STPG2: variants seen among roughly 807,000 people sequenced by gnomAD.
STPG2 encodes sperm-tail PG-rich repeat-containing protein 2.
STPG2 carries 56 observed loss-of-function variants against 54.2 expected under a neutral mutation model. The observed-to-expected ratio is 1.03, with a 90% CI of 0.83 to 1.29. The LOEUF (loss-of-function observed/expected upper bound fraction) is 1.29, where lower values mean the gene tolerates loss of function less well. STPG2 is among the 50% of genes most tolerant of loss of function. STPG2 has a pLI of 0.00. For missense variants in STPG2, 596 were observed against 544.9 expected (o/e 1.09, Z -0.93); for synonymous variants, 200 against 181.8 (o/e 1.10, Z -0.81).
rs115208229 is a variant in STPG2, at chr4:97,455,857, C to G, written c.462+256842G>C. Among the ~76,000 whole-genome samples the G allele has an allele frequency of 1.8e-3, 279 of 152,278 alleles. 1 individual carries two copies. The highest frequency in any genetic ancestry group is 6.4e-3 in the African/African-American group (266 of 41,546). On this transcript the variant is annotated intron_variant, in intron 4 of 4. Transcript: ENST00000522676. ...GCATTCACCCCTAGACACTGCCATG[C>G]AGTTGGAGCCCCACAACCTGCCCAT...
At chr4:97,932,890 G>A (rs1431859957) in intron 8 of STPG2, among the ~76,000 whole-genome samples, 1 of 152,098 alleles carries the variant, frequency 6.6e-6, no homozygotes, top group Non-Finnish European at 1.5e-5. Context: ...CCCAGTAATG[G>A]GATTGCTGGA....
At chr4:97,606,471 A>G (rs1733596055) in intron 10 of STPG2, among the ~76,000 whole-genome samples, 1 of 151,926 alleles carries the variant, frequency 6.6e-6, no homozygotes, top group South Asian at 2.1e-4. Context: ...ATTGGAAAAA[A>G]CAAATATATA....
chr4:97,658,066 G>A (rs908299707), intron 10 of STPG2, among the ~76,000 whole-genome samples: 2 of 152,158 alleles, frequency 1.3e-5, no homozygotes, highest in Admixed American at 1.3e-4. Flanking sequence ...ATTCTATGAT[G>A]ATGGATTTTT....
intron 5 of STPG2, among the ~76,000 whole-genome samples, chr4:98,084,300 C>T (rs1738442270): frequency 6.6e-6 from 1 of 152,090 alleles, no homozygotes; most frequent in Non-Finnish European, 1.5e-5. Flanking sequence ...CTTTATAGTG[C>T]TAAATAGTAT....
intron 10 of STPG2, among the ~76,000 whole-genome samples, chr4:97,610,203 TCAAAGGGAGTG>T (rs1426169667): frequency 6.6e-6 from 1 of 152,086 alleles, no homozygotes; most frequent in Non-Finnish European, 1.5e-5. Context: ...CTGTCTGATT[TCAAAGGGAGTG>T]TCTGATAATT....
At chr4:98,072,570 T>TTAA (rs1553939178) in intron 5 of STPG2, among the ~76,000 whole-genome samples, 40,946 of 143,300 alleles carry the variant, frequency 0.29, 6,115 homozygotes, top group Middle Eastern at 0.34. Context: ...GAAGGGAAAA[T>TTAA]AATAAAATAA....
intron 4 of STPG2, among the ~76,000 whole-genome samples, chr4:97,517,427 C>T (rs1395245231): frequency 1.3e-5 from 2 of 152,070 alleles, no homozygotes; most frequent in African/African-American, 4.8e-5. Flanking sequence ...GGAAATGGCT[C>T]CTGATCTAAC....
chr4:97,513,924 T>TAA (rs1250375064), intron 4 of STPG2, among the ~76,000 whole-genome samples: 1 of 151,964 alleles, frequency 6.6e-6, no homozygotes, highest in Non-Finnish European at 1.5e-5. Context: ...ATTGAGGAAA[T>TAA]TATTAACAGT....
intron 8 of STPG2, chr4:97,916,537 T>C (rs1328884893): frequency 1.3e-5 from 2 of 152,570 alleles, no homozygotes; most frequent in African/African-American, 2.4e-5. Flanking sequence ...GTATTGACCA[T>C]AGTACAGGCC....
At chr4:97,848,161 C>T (rs1202902858) in intron 8 of STPG2, among the ~76,000 whole-genome samples, 1 of 152,132 alleles carries the variant, frequency 6.6e-6, no homozygotes, top group Non-Finnish European at 1.5e-5. Flanking sequence ...AAATTTACAA[C>T]TGTAAAAGCC....
chr4:97,901,309 A>G (rs1020502497), intron 8 of STPG2, among the ~76,000 whole-genome samples: 6 of 152,070 alleles, frequency 3.9e-5, no homozygotes, highest in African/African-American at 1.2e-4. Flanking sequence ...TGCCACTTCA[A>G]TCTAGTACTA....
chr4:97,562,108 T>C (rs989126499), intron 10 of STPG2, among the ~76,000 whole-genome samples: 1 of 152,196 alleles, frequency 6.6e-6, no homozygotes, highest in Non-Finnish European at 1.5e-5. Flanking sequence ...GTATCCTCTT[T>C]TATTTCATTG....
intron 7 of STPG2, among the ~76,000 whole-genome samples, chr4:97,963,988 G>T (rs1425418616): frequency 2.0e-5 from 3 of 152,088 alleles, no homozygotes; most frequent in Non-Finnish European, 4.4e-5. Context: ...GCACCACTGG[G>T]ACCTGTGGGA....
intron 9 of STPG2, among the ~76,000 whole-genome samples, chr4:97,798,796 C>T (rs1411575179): frequency 1.6e-5 from 1 of 60,844 alleles, no homozygotes; most frequent in Non-Finnish European, 3.2e-5. Flanking sequence ...TAAAGTCTTC[C>T]ATTATTATTG....
intron 9 of STPG2, among the ~76,000 whole-genome samples, chr4:97,759,592 T>C (rs1725828936): frequency 6.6e-6 from 1 of 152,128 alleles, no homozygotes; most frequent in Non-Finnish European, 1.5e-5. Context: ...GGGTTGGATG[T>C]TTCAATGTAT....
chr4:98,004,299 T>C (rs1177777032), intron 5 of STPG2, among the ~76,000 whole-genome samples: 1 of 152,184 alleles, frequency 6.6e-6, no homozygotes, highest in Non-Finnish European at 1.5e-5. Context: ...ATCCATGTTA[T>C]CACAAATAAT....
intron 10 of STPG2, among the ~76,000 whole-genome samples, chr4:97,626,656 A>AT: frequency 6.6e-6 from 1 of 152,018 alleles, no homozygotes; most frequent in Non-Finnish European, 1.5e-5. Flanking sequence ...AATATATTGG[A>AT]TTTTTCCTCC....
intron 6 of STPG2, among the ~76,000 whole-genome samples, chr4:97,974,062 C>G (rs574161378): frequency 6.6e-6 from 1 of 152,318 alleles, no homozygotes; most frequent in East Asian, 1.9e-4. Context: ...GAGGCTGTAT[C>G]CTGCAAAGCC....
At chr4:97,492,468 G>A (rs1018408453) in intron 4 of STPG2, among the ~76,000 whole-genome samples, 1 of 151,422 alleles carries the variant, frequency 6.6e-6, no homozygotes, top group African/African-American at 2.4e-5. Flanking sequence ...TTGAAAACAT[G>A]CAAGTTTAAT....
Sources: gnomAD v4.1 joint callset for allele counts (sites outside exome capture counted in the v4.1 genomes callset) on GRCh38, gnomAD v4.1.1 for gene constraint, MANE v1.5 for transcripts, NCBI Gene and HGNC (gene_info 2026-07-23, HGNC 2026-07-21) for gene names.